TENM4: variants seen among roughly 807,000 people sequenced by gnomAD.
TENM4 encodes teneurin transmembrane protein 4.
TENM4 carries 82 observed loss-of-function variants against 243.3 expected under a neutral mutation model. That is an observed-to-expected ratio of 0.34 (90% CI 0.28 to 0.40). The LOEUF (loss-of-function observed/expected upper bound fraction) is 0.40. Ranked by LOEUF, TENM4 falls within the 10% of genes least tolerant of loss-of-function variation. The pLI, the probability that TENM4 is intolerant of heterozygous loss-of-function variation, is 1.00. For missense variants in TENM4, 3,138 were observed against 3,673.3 expected (o/e 0.85, Z 3.77); for synonymous variants, 1,412 against 1,456.3 (o/e 0.97, Z 0.69).
chr11:78,987,180 G>GAT (rs1857938045), intron 6 of TENM4, among the ~76,000 whole-genome samples: 1 of 152,110 alleles, frequency 6.6e-6, no homozygotes, highest in Non-Finnish European at 1.5e-5. Context: ...TGGTGCTGAT[G>GAT]ATATAATAAC....
At chr11:78,684,712 G>A (rs545546869) in intron 29 of TENM4, among the ~76,000 whole-genome samples, 40 of 152,264 alleles carry the variant, frequency 2.6e-4, no homozygotes, top group African/African-American at 9.6e-4. Flanking sequence ...CCTAACCTCC[G>A]AGTGCTTCTC....
intron 19 of TENM4, among the ~76,000 whole-genome samples, chr11:78,746,014 A>G (rs1271396128): frequency 1.3e-5 from 2 of 152,048 alleles, no homozygotes; most frequent in Admixed American, 1.3e-4. Context: ...GTGCAGTGGC[A>G]TGATCTTGGC....
intron 13 of TENM4, among the ~76,000 whole-genome samples, chr11:78,813,818 C>T (rs996486556): frequency 1.3e-5 from 2 of 152,182 alleles, no homozygotes; most frequent in African/African-American, 4.8e-5. Flanking sequence ...CTCCTCAGTC[C>T]CTCCCCTTGG....
chr11:78,812,030 A>C (rs1857512183), intron 14 of TENM4, 92 bp downstream of exon 14: 2 of 1,450,446 alleles, frequency 1.4e-6, no homozygotes, highest in Non-Finnish European at 1.8e-6. Context: ...ATGGCTCAGG[A>C]GGCTTCCCCT....
chr11:78,838,503 G>A (rs1470724202), intron 12 of TENM4, among the ~76,000 whole-genome samples: 2 of 152,112 alleles, frequency 1.3e-5, no homozygotes, highest in Non-Finnish European at 2.9e-5. Context: ...TGAATATTGG[G>A]TTTTACCCTC....
chr11:78,670,489 G>A lies in TENM4; in HGVS notation c.5856C>T (p.Arg1952=), dbSNP rs1256141279. 6.2e-7 allele frequency: 1 copy of A among 1,613,766 alleles called. No individual in the cohort carries two copies. The highest frequency in any genetic ancestry group is 2.2e-5 in the East Asian group (1 of 44,888). ...QYIFEFDKND[R]LSSVTMPNVA... ...CGTTGGGCATCGTCACAGAAGAGAG[G>A]CGGTCATTCTTGTCGAACTCAAAGA... is the stretch of plus-strand genomic sequence containing the variant. Residue 1952 remains arginine, a synonymous_variant, in exon 32 of 34, where the codon CGC becomes CGT. Coordinates refer to ENST00000278550, the MANE Select transcript of TENM4 (RefSeq NM_001098816.3).
chr11:78,675,114 GC>G (rs1858433999), intron 30 of TENM4, among the ~76,000 whole-genome samples: 1 of 152,054 alleles, frequency 6.6e-6, no homozygotes, highest in South Asian at 2.1e-4. Flanking sequence ...CAATCCACCT[GC>G]CTCAGCCTCC....
At chr11:78,729,770 G>GA (rs1478086943) in intron 21 of TENM4, 127 bp from the exon 22 acceptor site, 15 of 1,227,756 alleles carry the variant, frequency 1.2e-5, no homozygotes, top group Admixed American at 2.4e-5. Flanking sequence ...GAGAGGAGGG[G>GA]AAAAAAAGAG....
At chr11:78,718,902 G>C (rs1859583709) in intron 25 of TENM4, among the ~76,000 whole-genome samples, 1 of 151,976 alleles carries the variant, frequency 6.6e-6, no homozygotes, top group Admixed American at 6.6e-5. Context: ...CTCCTTTTTT[G>C]TTACCAATTT....
At chr11:79,367,332 T>C (rs767947779) in intron 1 of TENM4, among the ~76,000 whole-genome samples, 3 of 152,246 alleles carry the variant, frequency 2.0e-5, no homozygotes, top group Non-Finnish European at 4.4e-5. Context: ...ATTGGAGGAT[T>C]CCTTTACAAG....
chr11:79,430,690 G>A (rs1486058678), intron 1 of TENM4, among the ~76,000 whole-genome samples: 6 of 152,156 alleles, frequency 3.9e-5, no homozygotes, highest in Admixed American at 3.9e-4. Flanking sequence ...CTTTATAGAT[G>A]AGGACATTGA....
intron 28 of TENM4, among the ~76,000 whole-genome samples, chr11:78,692,566 T>C (rs1356199376): frequency 1.3e-5 from 2 of 152,174 alleles, no homozygotes; most frequent in African/African-American, 4.8e-5. Context: ...GTCAACTCCC[T>C]GAGGGCAGGG....
At chr11:78,902,086 G>C (rs943083616) in intron 7 of TENM4, among the ~76,000 whole-genome samples, 1 of 152,134 alleles carries the variant, frequency 6.6e-6, no homozygotes, top group Non-Finnish European at 1.5e-5. Flanking sequence ...CAGGAGTTTG[G>C]GGAAATAAAA....
chr11:79,343,458 A>G (rs1857274752), intron 1 of TENM4, among the ~76,000 whole-genome samples: 1 of 152,124 alleles, frequency 6.6e-6, no homozygotes, highest in Admixed American at 6.5e-5. Flanking sequence ...TCACTTATAA[A>G]ATGGGTATGA....
intron 27 of TENM4, among the ~76,000 whole-genome samples, chr11:78,706,895 G>A (rs780998145): frequency 5.3e-5 from 8 of 152,152 alleles, no homozygotes; most frequent in Non-Finnish European, 1.2e-4. Flanking sequence ...AGCCAGCAAG[G>A]GTAAGCCTGC....
intron 32 of TENM4, among the ~76,000 whole-genome samples, chr11:78,661,933 A>T (rs1432589203): frequency 6.6e-6 from 1 of 152,128 alleles, no homozygotes; most frequent in Admixed American, 6.5e-5. Flanking sequence ...TCACCCCAAC[A>T]TCCATAGGAG....
At chr11:79,309,554 C>T (rs1856684138) in intron 1 of TENM4, among the ~76,000 whole-genome samples, 2 of 152,156 alleles carry the variant, frequency 1.3e-5, no homozygotes, top group Admixed American at 1.3e-4. Flanking sequence ...AGAGACATTC[C>T]CAGGGTGTGT....
chr11:79,029,170 AG>A (rs1448423658), intron 6 of TENM4, among the ~76,000 whole-genome samples: 5 of 152,334 alleles, frequency 3.3e-5, no homozygotes, highest in African/African-American at 1.2e-4. Context: ...CAGTTTGAGA[AG>A]GCTGGCTGCC....
At chr11:79,055,922 A>G (rs58242434) in intron 6 of TENM4, among the ~76,000 whole-genome samples, 1,575 of 152,330 alleles carry the variant, frequency 0.01, 25 homozygotes, top group African/African-American at 0.037. Flanking sequence ...TCAAAGTCAC[A>G]CTAGGACTAG....
Sources: gnomAD v4.1 joint callset for allele counts (sites outside exome capture counted in the v4.1 genomes callset) on GRCh38, gnomAD v4.1.1 for gene constraint, MANE v1.5 for transcripts, NCBI Gene and HGNC (gene_info 2026-07-23, HGNC 2026-07-21) for gene names.